ELMOD3: variants seen among roughly 807,000 people sequenced by gnomAD.
The protein encoded by ELMOD3 is ELMO domain-containing protein 3.
ELMOD3 carries 36 observed loss-of-function variants against 47.4 expected under a neutral mutation model. The ratio of observed to expected loss-of-function variants is 0.76; its 90% confidence interval spans 0.58 to 1.00. The LOEUF is 1.00. Among genes scored for constraint, ELMOD3 ranks in the 50% least tolerant of loss-of-function variants. ELMOD3 has a pLI of 0.00. For synonymous variants in ELMOD3, 149 were observed against 183.5 expected, an observed-to-expected ratio of 0.81 and a Z score of 1.52; for missense variants, 404 against 463.8, an observed-to-expected ratio of 0.87 and a Z score of 1.18.
At position 85,391,052 on chromosome 2, in the gene ELMOD3, C is replaced by A; in HGVS notation, c.*90C>A. 7.8e-7 allele frequency: 1 copy of A among 1,280,154 alleles called. No homozygotes were observed. Among genetic ancestry groups the A allele is most frequent in the South Asian group, 1.4e-5 (1 of 69,428 alleles). 79.3% of individuals were successfully genotyped at this position (1,280,154 alleles called of 1,614,324 possible). On this transcript the variant is annotated 3_prime_UTR_variant, in exon 14 of 14. Coordinates refer to ENST00000409013, the MANE Select transcript of ELMOD3 (RefSeq NM_001135022.2). The stretch of plus-strand genomic sequence containing the variant: ...TGTCAGGAGCCTGGCCAGGCCGCAC[C>A]CCTTGCTGTCTCAGCAGATGGGATA...
At chr2:85,363,265 C>A in intron 6 of ELMOD3, 99 bp downstream of exon 6, 1 of 704,824 alleles carries the variant, frequency 1.4e-6, no homozygotes, top group Non-Finnish European at 2.5e-6. Flanking sequence ...CACTCCTTGT[C>A]TTTCAGAATT....
At chr2:85,383,811 C>T (rs750746967) in intron 11 of ELMOD3, among the ~76,000 whole-genome samples, 1 of 152,122 alleles carries the variant, frequency 6.6e-6, no homozygotes, top group African/African-American at 2.4e-5. Context: ...AAATGTGAAC[C>T]CTGAAAATCT....
At chr2:85,356,337 A>G (rs1683561250) in intron 3 of ELMOD3, 2 of 152,264 alleles carry the variant, frequency 1.3e-5, no homozygotes, top group Admixed American at 6.5e-5. Context: ...AAGCCTGAGC[A>G]CTTCAGCTAA....
intron 11 of ELMOD3, 143 bp from the exon 12 acceptor site, chr2:85,389,608 A>G (rs1686180528): frequency 1.5e-6 from 1 of 652,630 alleles, no homozygotes; most frequent in African/African-American, 1.8e-5. Context: ...GAAGAAGATT[A>G]TTAGGAAAAT....
intron 1 of ELMOD3, 48 bp downstream of exon 1, chr2:85,354,877 G>A (rs894992056): frequency 6.0e-5 from 11 of 183,502 alleles, no homozygotes; most frequent in Admixed American, 4.5e-4. Flanking sequence ...GTGCCTGTGC[G>A]GAGCTAGCAG....
chr2:85,369,854 G>A, intron 8 of ELMOD3, 24 bp downstream of exon 8: 1 of 1,612,234 alleles, frequency 6.2e-7, no homozygotes, highest in African/African-American at 1.3e-5. Flanking sequence ...AGGGTTTGGA[G>A]TCTCAAGCAA....
chr2:85,377,774 A>AT (rs1040758087), intron 11 of ELMOD3, among the ~76,000 whole-genome samples: 1 of 152,076 alleles, frequency 6.6e-6, no homozygotes, highest in Non-Finnish European at 1.5e-5. Flanking sequence ...TTCAGCAAGG[A>AT]TTTTTTTTAC....
chr2:85,363,302 A>G (rs1204595071), intron 6 of ELMOD3, 136 bp downstream of exon 6: 2 of 617,382 alleles, frequency 3.2e-6, no homozygotes, highest in East Asian at 2.8e-5. Context: ...CCTTGGGGAA[A>G]AATAGAATCA....
intron 8 of ELMOD3, among the ~76,000 whole-genome samples, chr2:85,370,313 C>G (rs565221096): frequency 1.5e-4 from 23 of 151,768 alleles, no homozygotes; most frequent in Admixed American, 8.5e-4. Context: ...CATGTAATAC[C>G]AGCTCTTTCG....
chr2:85,362,584 A>T (rs1684061605), intron 5 of ELMOD3, among the ~76,000 whole-genome samples: 1 of 152,192 alleles, frequency 6.6e-6, no homozygotes, highest in African/African-American at 2.4e-5. Flanking sequence ...ACATCACCCA[A>T]GTTCCACATC....
intron 6 of ELMOD3, among the ~76,000 whole-genome samples, chr2:85,365,787 C>A (rs563514194): frequency 9.6e-4 from 146 of 152,238 alleles, no homozygotes; most frequent in Middle Eastern, 6.8e-3. Flanking sequence ...TTTGATCAAG[C>A]TGTTTGTAGG....
Position 85,368,630 on chromosome 2 carries a change from T to G in ELMOD3, c.200-56T>G, listed in dbSNP as rs1213428199. The G allele has an allele frequency of 1.9e-6, 3 of 1,581,012 alleles. No homozygotes were observed. The Admixed American group carries it at 5.0e-5, about 26-fold the overall frequency. ...AGGCAGACAAGGCTGGGGTCTGCAG[T>G]AGAGGCCCAGACATACCTAGATCTC... On this transcript the variant is annotated intron_variant, in intron 6 of 13. Transcript: ENST00000409013.
At chr2:85,361,936 A>G (rs912250616) in intron 4 of ELMOD3, among the ~76,000 whole-genome samples, 1 of 151,960 alleles carries the variant, frequency 6.6e-6, no homozygotes, top group Non-Finnish European at 1.5e-5. Context: ...GTCTCAAAAA[A>G]AAAAAAGAAA....
intron 4 of ELMOD3, among the ~76,000 whole-genome samples, chr2:85,359,533 G>A (rs548458434): frequency 1.3e-5 from 2 of 150,120 alleles, no homozygotes; most frequent in South Asian, 2.1e-4. Context: ...TCAGCCTTTC[G>A]AGTAGCTGGG....
chr2:85,366,700 C>T (rs1341416630), intron 6 of ELMOD3, among the ~76,000 whole-genome samples: 1 of 152,248 alleles, frequency 6.6e-6, no homozygotes, highest in African/African-American at 2.4e-5. Context: ...AGTGTGCTTT[C>T]AGTAACTATC....
At position 85,364,271 on chromosome 2, in the gene ELMOD3, G is replaced by A. The variant is rs150830978; in HGVS notation, c.199+1105G>A. ...CTCCTGAGTAATTGTGTACCACCAG[G>A]CATAGCTAATTTTTTTTTTTAAGAG... On this transcript the variant is annotated intron_variant, in intron 6 of 13. Transcript: ENST00000409013. Among the ~76,000 whole-genome samples, 144 of 151,898 alleles carry A rather than the reference G, an allele frequency of 9.5e-4. 1 individual carries two copies. Among genetic ancestry groups the A allele is most frequent in the African/African-American group, 3.4e-3 (139 of 41,412 alleles).
chr2:85,372,155 T>C (rs116467062), intron 10 of ELMOD3: 14,565 of 150,420 alleles, frequency 0.097, 735 homozygotes, highest in South Asian at 0.16. Flanking sequence ...GGTGACAGAG[T>C]AAGACTCTGT....
At chr2:85,362,434 C>T (rs911278199) in intron 5 of ELMOD3, among the ~76,000 whole-genome samples, 174 bp downstream of exon 5, 1 of 148,118 alleles carries the variant, frequency 6.8e-6, no homozygotes, top group Non-Finnish European at 1.5e-5. Context: ...ACATACAAAA[C>T]AACTTCTATT....
chr2:85,364,681 G>A (rs1471748897), intron 6 of ELMOD3, among the ~76,000 whole-genome samples: 1 of 151,148 alleles, frequency 6.6e-6, no homozygotes, highest in Non-Finnish European at 1.5e-5. Context: ...GCTTCTATGT[G>A]TAGCTAAAAA....
Sources: gnomAD v4.1 joint callset for allele counts (sites outside exome capture counted in the v4.1 genomes callset) on GRCh38, gnomAD v4.1.1 for gene constraint, MANE v1.5 for transcripts, NCBI Gene and HGNC (gene_info 2026-07-23, HGNC 2026-07-21) for gene names.